NELL1: variants seen among roughly 807,000 people sequenced by gnomAD.
NELL1 encodes neural EGFL like 1, also known as protein kinase C-binding protein NELL1.
NELL1 carries 76 observed loss-of-function variants against 107.4 expected under a neutral mutation model. The observed-to-expected ratio is 0.71, with a 90% CI of 0.59 to 0.86. The LOEUF (loss-of-function observed/expected upper bound fraction) is 0.86. Ranked by LOEUF, NELL1 falls within the 40% of genes least tolerant of loss-of-function variation. The pLI, the probability that NELL1 is intolerant of heterozygous loss-of-function variation, is 0.00. For synonymous variants in NELL1, 353 were observed against 341.2 expected (o/e 1.03, Z -0.38); for missense variants, 1,024 against 1,005.5 (o/e 1.02, Z -0.25).
At chr11:21,005,701 A>G (rs1347832801) in intron 12 of NELL1, among the ~76,000 whole-genome samples, 1 of 152,176 alleles carries the variant, frequency 6.6e-6, no homozygotes, top group African/African-American at 2.4e-5. Context: ...TTCATTTTTA[A>G]TATTGTCTGT....
At chr11:20,803,800 A>C (rs1180548555) in intron 3 of NELL1, among the ~76,000 whole-genome samples, 1 of 152,088 alleles carries the variant, frequency 6.6e-6, no homozygotes, top group Non-Finnish European at 1.5e-5. Context: ...TGGGGTGGCA[A>C]AGGCAGACCC....
chr11:21,046,994 G>A (rs1050561285), intron 12 of NELL1, among the ~76,000 whole-genome samples: 3 of 151,976 alleles, frequency 2.0e-5, no homozygotes, highest in East Asian at 3.9e-4. Flanking sequence ...TGGGATTACA[G>A]GTGTGAGCCC....
chr11:21,507,785 T>C (rs1855322516), intron 15 of NELL1, among the ~76,000 whole-genome samples: 1 of 140,974 alleles, frequency 7.1e-6, no homozygotes, highest in South Asian at 2.1e-4. Context: ...TTCTTTTCTT[T>C]TCTTTTTTTT....
chr11:21,317,983 A>T (rs547035592), intron 14 of NELL1, among the ~76,000 whole-genome samples: 1 of 152,240 alleles, frequency 6.6e-6, no homozygotes, highest in East Asian at 1.9e-4. Context: ...TGTATTTCTT[A>T]TGGGGTAAGA....
At chr11:21,514,387 G>T (rs866666654) in intron 15 of NELL1, among the ~76,000 whole-genome samples, 51 of 152,222 alleles carry the variant, frequency 3.4e-4, no homozygotes, top group Middle Eastern at 3.4e-3. Context: ...TAGAAATTTT[G>T]TTGCCCTTGT....
At chr11:21,427,267 T>G (rs888079056) in intron 15 of NELL1, among the ~76,000 whole-genome samples, 32 of 152,256 alleles carry the variant, frequency 2.1e-4, no homozygotes, top group African/African-American at 7.5e-4. Context: ...AACTGTAACA[T>G]AAAACCTAAC....
chr11:21,016,380 A>G (rs553579177), intron 12 of NELL1, among the ~76,000 whole-genome samples: 5 of 152,182 alleles, frequency 3.3e-5, no homozygotes, highest in African/African-American at 1.2e-4. Flanking sequence ...TGAACTTTTC[A>G]TGCTTCATAC....
chr11:20,863,293 G>A (rs1221157987), intron 4 of NELL1, among the ~76,000 whole-genome samples: 4 of 143,490 alleles, frequency 2.8e-5, no homozygotes, highest in South Asian at 2.3e-4. Flanking sequence ...CCTCCCTCCC[G>A]GACGGGGCAG....
intron 14 of NELL1, among the ~76,000 whole-genome samples, chr11:21,351,175 A>G (rs1565182315): frequency 6.6e-6 from 1 of 152,148 alleles, no homozygotes; most frequent in Non-Finnish European, 1.5e-5. Flanking sequence ...AGCAGCCACC[A>G]GAAGCTAGGA....
At chr11:20,784,004 G>A (rs1856904393) in intron 3 of NELL1, among the ~76,000 whole-genome samples, 174 bp downstream of exon 3, 1 of 152,204 alleles carries the variant, frequency 6.6e-6, no homozygotes, top group East Asian at 1.9e-4. Context: ...GGTCAAAGTG[G>A]CTTTCTTGTT....
At chr11:21,407,581 G>T (rs1852266118) in intron 15 of NELL1, among the ~76,000 whole-genome samples, 1 of 150,898 alleles carries the variant, frequency 6.6e-6, no homozygotes. Flanking sequence ...CCCAACTCTA[G>T]TTACTTAACT....
rs118016045 is a variant in NELL1, at chr11:20,860,062, C to T, written c.506+12309C>T. On this transcript the variant is annotated intron_variant, in intron 4 of 19. Transcript: ENST00000357134. ...TAGTTTCTCCTTGCATTGGTTTCTG[C>T]CTTTTTCTGATTTTGAGTTCTTTAG... 4.5e-3 allele frequency among the ~76,000 whole-genome samples: 692 copies of T among 152,232 alleles called. 3 individuals are homozygous for T. The highest frequency in any genetic ancestry group is 6.9e-3 in the Non-Finnish European group (466 of 68,022).
intron 12 of NELL1, among the ~76,000 whole-genome samples, chr11:21,059,201 T>C (rs941209207): frequency 6.6e-6 from 1 of 151,482 alleles, no homozygotes; most frequent in Non-Finnish European, 1.5e-5. Flanking sequence ...TTCTTAACTC[T>C]CCATCTCTAC....
intron 15 of NELL1, among the ~76,000 whole-genome samples, chr11:21,413,283 A>C (rs1852425211): frequency 6.6e-6 from 1 of 151,948 alleles, no homozygotes; most frequent in Non-Finnish European, 1.5e-5. Context: ...CTGGATGGAC[A>C]ATCTGGACCT....
At chr11:21,183,092 C>T (rs1856862460) in intron 13 of NELL1, among the ~76,000 whole-genome samples, 1 of 151,834 alleles carries the variant, frequency 6.6e-6, no homozygotes, top group Non-Finnish European at 1.5e-5. Flanking sequence ...CACCACAAAG[C>T]TGGGATTGAC....
At chr11:20,695,357 T>C (rs1389487142) in intron 2 of NELL1, among the ~76,000 whole-genome samples, 1 of 152,130 alleles carries the variant, frequency 6.6e-6, no homozygotes, top group African/African-American at 2.4e-5. Context: ...AAAGTAGACA[T>C]CTTTGCCTGT....
At chr11:21,331,707 T>G (rs1363599563) in intron 14 of NELL1, among the ~76,000 whole-genome samples, 1 of 152,124 alleles carries the variant, frequency 6.6e-6, no homozygotes, top group Non-Finnish European at 1.5e-5. Context: ...CAGAAGTTTT[T>G]TGAGGCCAGG....
At chr11:21,467,190 C>G (rs899563460) in intron 15 of NELL1, among the ~76,000 whole-genome samples, 1 of 151,982 alleles carries the variant, frequency 6.6e-6, no homozygotes, top group Non-Finnish European at 1.5e-5. Flanking sequence ...ATTGCAGATC[C>G]CATACTTACT....
At chr11:21,068,206 A>T (rs1427549090) in intron 12 of NELL1, among the ~76,000 whole-genome samples, 2 of 152,160 alleles carry the variant, frequency 1.3e-5, no homozygotes, top group East Asian at 3.9e-4. Flanking sequence ...TCTTTGTGCA[A>T]GAAGGGGCCC....
Sources: allele counts gnomAD v4.1 joint callset (sites outside exome capture counted in the v4.1 genomes callset), GRCh38; gene constraint gnomAD v4.1.1; transcripts MANE v1.5; gene names NCBI Gene and HGNC (gene_info 2026-07-23, HGNC 2026-07-21).